The following PCSK5 variants were observed in gnomAD, a reference collection of about 807,000 sequenced individuals.
PCSK5 encodes the protein prohormone convertase 5.
In PCSK5, 129 loss-of-function variants were observed where a neutral mutation model predicts 233.2. The ratio of observed to expected loss-of-function variants is 0.55; its 90% CI spans 0.48 to 0.64. PCSK5 has a LOEUF of 0.64. PCSK5 is among the 30% of genes least tolerant of loss of function. The pLI is 0.00. For synonymous variants in PCSK5, 825 were observed against 879.2 expected, an observed-to-expected ratio of 0.94 and a Z score of 1.09; for missense variants, 2,076 against 2,430.1, an observed-to-expected ratio of 0.85 and a Z score of 3.06.
chr9:76,088,707 T>C (rs146750937), intron 7 of PCSK5, among the ~76,000 whole-genome samples: 13 of 152,218 alleles, frequency 8.5e-5, no homozygotes, highest in African/African-American at 2.9e-4. Flanking sequence ...AGTAAGCTCT[T>C]ATCCCATAGA....
At chr9:76,122,309 T>C (rs1162183566) in intron 9 of PCSK5, among the ~76,000 whole-genome samples, 3 of 152,146 alleles carry the variant, frequency 2.0e-5, no homozygotes, top group Non-Finnish European at 4.4e-5. Context: ...TTATGACTCT[T>C]ATTGGCTGAA....
rs11407417 is a variant in PCSK5 at position 76,296,878 on chromosome 9, C to CAA, written c.3523+18_3523+19dup. The CAA allele has an allele frequency of 3.5e-5, 55 of 1,584,222 alleles. No homozygotes were observed. The highest frequency in any genetic ancestry group is 4.4e-5 in the Non-Finnish European group (51 of 1,156,432). ...AAATTCTGGAATGGTATGTGCCCCC[C>CAA]AAAAAAGAGGTCACAGGGGTCTAGC... On this transcript the variant is annotated intron_variant, in intron 27 of 37. Coordinates refer to ENST00000674117, the MANE Select transcript of PCSK5 (RefSeq NM_001372043.1).
At chr9:76,086,208 A>C (rs929771405) in intron 7 of PCSK5, among the ~76,000 whole-genome samples, 2 of 144,152 alleles carry the variant, frequency 1.4e-5, no homozygotes, top group Admixed American at 1.3e-4. Flanking sequence ...TTCTTCTCCC[A>C]AAAATGGCAA....
At chr9:76,225,186 G>C (rs1344199051) in intron 20 of PCSK5, among the ~76,000 whole-genome samples, 1 of 152,160 alleles carries the variant, frequency 6.6e-6, no homozygotes, top group East Asian at 1.9e-4. Flanking sequence ...CCCTTGGCTA[G>C]CAATTGTGTT....
chr9:76,063,227 C>T (rs943956500), intron 5 of PCSK5, among the ~76,000 whole-genome samples: 4 of 151,070 alleles, frequency 2.6e-5, no homozygotes, highest in Non-Finnish European at 2.9e-5. Flanking sequence ...CTTGATCTCC[C>T]GGGCTTAAGT....
At chr9:75,916,269 C>A (rs139225574) in intron 1 of PCSK5, among the ~76,000 whole-genome samples, 1 of 152,238 alleles carries the variant, frequency 6.6e-6, no homozygotes, top group Non-Finnish European at 1.5e-5. Flanking sequence ...AGCTTGGTGT[C>A]GGAAAAATCT....
At chr9:76,280,022 C>T (rs1413184633) in intron 24 of PCSK5, among the ~76,000 whole-genome samples, 2 of 152,166 alleles carry the variant, frequency 1.3e-5, no homozygotes, top group Non-Finnish European at 2.9e-5. Context: ...TTACAAATTA[C>T]AGGTTTGTGG....
chr9:76,257,916 T>C (rs1199986459), intron 24 of PCSK5, among the ~76,000 whole-genome samples: 4 of 152,234 alleles, frequency 2.6e-5, no homozygotes, highest in Non-Finnish European at 5.9e-5. Flanking sequence ...CCTATATGTA[T>C]ATGTTTTCCA....
At chr9:76,223,413 T>C (rs1825791746) in intron 20 of PCSK5, among the ~76,000 whole-genome samples, 1 of 152,254 alleles carries the variant, frequency 6.6e-6, no homozygotes. Flanking sequence ...TGGAAGACTT[T>C]ATAATGTTTG....
chr9:76,108,406 A>G (rs1251007051), intron 9 of PCSK5, among the ~76,000 whole-genome samples: 2 of 152,220 alleles, frequency 1.3e-5, no homozygotes, highest in Non-Finnish European at 2.9e-5. Flanking sequence ...AAGTAGAGCG[A>G]TAGCCAGTGA....
intron 20 of PCSK5, among the ~76,000 whole-genome samples, chr9:76,204,129 T>C (rs955289302): frequency 1.3e-5 from 2 of 152,200 alleles, no homozygotes; most frequent in African/African-American, 2.4e-5. Flanking sequence ...CTGCCTCCAC[T>C]AATATCCAAT....
At chr9:76,144,883 T>A (rs973518713) in intron 10 of PCSK5, among the ~76,000 whole-genome samples, 1 of 152,158 alleles carries the variant, frequency 6.6e-6, no homozygotes, top group African/African-American at 2.4e-5. Flanking sequence ...ATCCCAGCAC[T>A]TTGGGAGGCC....
chr9:76,002,721 C>T (rs1827313312), intron 3 of PCSK5, among the ~76,000 whole-genome samples: 1 of 152,220 alleles, frequency 6.6e-6, no homozygotes, highest in African/African-American at 2.4e-5. Flanking sequence ...GGAAGGGAAA[C>T]AAGTGAAAGA....
intron 2 of PCSK5, among the ~76,000 whole-genome samples, chr9:75,982,083 A>G (rs567913766): frequency 1.3e-5 from 2 of 152,126 alleles, no homozygotes; most frequent in East Asian, 3.9e-4. Flanking sequence ...ATCCCTTTAA[A>G]CCATTTGTAA....
At chr9:76,231,981 C>G (rs1251334473) in intron 21 of PCSK5, among the ~76,000 whole-genome samples, 2 of 152,150 alleles carry the variant, frequency 1.3e-5, no homozygotes, top group African/African-American at 4.8e-5. Context: ...ATTCTGCCTC[C>G]AAACAGATGC....
chr9:76,020,191 C>G (rs1366916057), intron 3 of PCSK5, among the ~76,000 whole-genome samples: 1 of 152,128 alleles, frequency 6.6e-6, no homozygotes, highest in Non-Finnish European at 1.5e-5. Flanking sequence ...GTTCCGTTTG[C>G]CTCTGGGTGC....
chr9:76,289,156 A>G (rs2131402007), intron 24 of PCSK5, among the ~76,000 whole-genome samples: 1 of 152,228 alleles, frequency 6.6e-6, no homozygotes, highest in South Asian at 2.1e-4. Context: ...AAATGAGACA[A>G]TAAAAATGAC....
chr9:76,209,339 C>T (rs80352536), intron 20 of PCSK5, among the ~76,000 whole-genome samples: 1 of 152,158 alleles, frequency 6.6e-6, no homozygotes, highest in African/African-American at 2.4e-5. Flanking sequence ...TTTGCTTGCC[C>T]TGTTCAGCTT....
chr9:76,235,345 A>G (rs1424585187), intron 22 of PCSK5, among the ~76,000 whole-genome samples: 1 of 152,218 alleles, frequency 6.6e-6, no homozygotes. Flanking sequence ...ACAAGATGGC[A>G]TCCAAAATCA....
Sources: gnomAD v4.1 joint callset for allele counts (sites outside exome capture counted in the v4.1 genomes callset) on GRCh38, gnomAD v4.1.1 for gene constraint, MANE v1.5 for transcripts, NCBI Gene and HGNC (gene_info 2026-07-23, HGNC 2026-07-21) for gene names.